ADH1A: variants seen among roughly 807,000 people sequenced by gnomAD.
The protein encoded by ADH1A is alcohol dehydrogenase 1A (class I), alpha polypeptide.
ADH1A carries 29 observed loss-of-function variants against 35.2 expected under a neutral mutation model. That is an observed-to-expected ratio of 0.82 (90% CI 0.61 to 1.12). The LOEUF (loss-of-function observed/expected upper bound fraction) is 1.12. Among genes scored for constraint, ADH1A ranks in the 50% most tolerant of loss-of-function variants. ADH1A has a pLI of 0.00. For synonymous variants in ADH1A, 147 were observed against 164.8 expected (o/e 0.89, Z 0.83); for missense variants, 469 against 464.7 (o/e 1.01, Z -0.09).
At chr4:99,277,420 G>A (rs1040271915) in intron 8 of ADH1A, among the ~76,000 whole-genome samples, 3 of 151,874 alleles carry the variant, frequency 2.0e-5, no homozygotes, top group Non-Finnish European at 4.4e-5. Context: ...AATATTTTTA[G>A]AAAATGATGG....
chr4:99,280,016 G>A, intron 7 of ADH1A, 128 bp downstream of exon 7: 1 of 1,356,066 alleles, frequency 7.4e-7, no homozygotes, highest in South Asian at 1.2e-5. Flanking sequence ...AGTTGATTTG[G>A]AGACTGTAGA....
In ADH1A at chr4:99,290,898, T is replaced by C. The variant is rs1450537072; in HGVS notation, c.17A>G (p.Lys6Arg). 2.5e-6 allele frequency: 4 copies of C among 1,613,960 alleles called. No individual in the cohort carries two copies. Among genetic ancestry groups the C allele is most frequent in the East Asian group, 2.2e-5 (1 of 44,866 alleles). The change falls in exon 1 of 9, where the codon AAA becomes AGA. Residue 6 changes from lysine (K) to arginine (R), a missense_variant and splice_region_variant. Transcript: ENST00000209668. The part of the protein sequence containing the change: MSTAG[K>R]VIKCKAAVLW... ...AACAGTAATATATTTTTTGCTTACTTTTCCTGCTGTGCTCATGTTGATTCT... is the reference window on the plus strand; with the variant it reads ...AACAGTAATATATTTTTTGCTTACTCTTCCTGCTGTGCTCATGTTGATTCT...
intron 5 of ADH1A, among the ~76,000 whole-genome samples, chr4:99,283,473 T>TATTC (rs146495893): frequency 4.7e-4 from 72 of 151,698 alleles, no homozygotes; most frequent in South Asian, 8.3e-4. Flanking sequence ...TAAGGGTGTC[T>TATTC]ATTCATTCAT....
chr4:99,286,832 T>A lies in ADH1A; in HGVS notation c.259+18A>T. 6.2e-7 allele frequency: 1 copy of A among 1,612,396 alleles called. No homozygotes were observed. The highest frequency in any genetic ancestry group is 8.5e-7 in the Non-Finnish European group (1 of 1,179,238). On this transcript the variant is annotated intron_variant, in intron 3 of 8. Transcript: ENST00000209668. ...TAGGATGGTGAACCATCATGTTTCC[T>A]GAATGTGAATCCTGTACCTGGTTTG...
chr4:99,280,997 T>A (rs1732989326), intron 6 of ADH1A, among the ~76,000 whole-genome samples: 1 of 152,188 alleles, frequency 6.6e-6, no homozygotes, highest in Non-Finnish European at 1.5e-5. Flanking sequence ...GATTCTGACC[T>A]TTGGGAGACC....
At chr4:99,282,985 T>G (rs1328217873) in intron 5 of ADH1A, among the ~76,000 whole-genome samples, 1 of 152,186 alleles carries the variant, frequency 6.6e-6, no homozygotes, top group South Asian at 2.1e-4. Context: ...TCTCGATTGC[T>G]GAAATCCCTT....
intron 7 of ADH1A, among the ~76,000 whole-genome samples, 165 bp downstream of exon 7, chr4:99,279,979 C>A (rs537141225): frequency 6.6e-6 from 1 of 152,232 alleles, no homozygotes; most frequent in South Asian, 2.1e-4. Context: ...GATTTTGGGA[C>A]CTTCTGCCTG....
At chr4:99,285,091 C>T (rs372261265) in intron 3 of ADH1A, among the ~76,000 whole-genome samples, 1 of 152,086 alleles carries the variant, frequency 6.6e-6, no homozygotes, top group African/African-American at 2.4e-5. Flanking sequence ...ATGTGGTGTA[C>T]CAATTTCTCC....
intron 1 of ADH1A, among the ~76,000 whole-genome samples, chr4:99,289,015 A>G (rs1315680703): frequency 3.9e-5 from 6 of 152,030 alleles, no homozygotes; most frequent in Non-Finnish European, 7.4e-5. Context: ...TATCATTCTC[A>G]TGCCTTTGCA....
chr4:99,279,309 G>A (rs1732940120), intron 8 of ADH1A, 117 bp downstream of exon 8: 1 of 1,314,328 alleles, frequency 7.6e-7, no homozygotes. Flanking sequence ...GACTGAACTG[G>A]TAATGGAAGA....
chr4:99,286,900 G>T lies in ADH1A; in HGVS notation c.209C>A (p.Ala70Glu), dbSNP rs1181708863. The change falls in exon 3 of 9, where the codon GCA becomes GAA. Residue 70 changes from alanine to glutamate, a missense_variant. Ala to Glu is a moderately radical substitution (Grantham distance 107). Coordinates refer to ENST00000209668, the MANE Select transcript of ADH1A (RefSeq NM_000667.4). ...TPLPVILGHEAAGIVESVGEG... is the reference protein window; with the variant it reads ...TPLPVILGHEEAGIVESVGEG... ...TCCAACACTCTCCACGATGCCGGCT[G>T]CCTCATGGCCTAAAATCACAGGAAG... 6.2e-7 allele frequency: 1 copy of T among 1,614,132 alleles called. No individual in the cohort carries two copies.
intron 5 of ADH1A, among the ~76,000 whole-genome samples, chr4:99,284,066 T>C (rs1733073586): frequency 6.6e-6 from 1 of 152,200 alleles, no homozygotes; most frequent in Non-Finnish European, 1.5e-5. Context: ...GAACCTATGG[T>C]GCCTGAAGCA....
intron 7 of ADH1A, 70 bp downstream of exon 7, chr4:99,280,074 C>T: frequency 6.3e-7 from 1 of 1,593,804 alleles, no homozygotes. Context: ...CAAAACCTTG[C>T]CTTGTCACTT....
intron 3 of ADH1A, among the ~76,000 whole-genome samples, chr4:99,286,395 T>C (rs1354027065): frequency 6.6e-6 from 1 of 152,172 alleles, no homozygotes; most frequent in Non-Finnish European, 1.5e-5. Context: ...GAAAAGGTCA[T>C]GCTCATTCAG....
Position 99,285,863 on chromosome 4 carries a change from A to G in ADH1A, c.259+987T>C, listed in dbSNP as rs992145327. Among the ~76,000 whole-genome samples, 7 of 151,846 alleles carry G rather than the reference A, an allele frequency of 4.6e-5. No individual in the cohort carries two copies. The East Asian group carries it at 1.2e-3, about 25-fold the overall frequency. ...TGGTGAAACCCTGTCTCTACTAAAA[A>G]CAGAAAAAATTAGCTGGGTGTGGTG... On this transcript the variant is annotated intron_variant, in intron 3 of 8. Transcript: ENST00000209668.
intron 2 of ADH1A, 75 bp from the exon 3 acceptor site, chr4:99,287,063 T>C (rs1733170737): frequency 6.5e-7 from 1 of 1,540,728 alleles, no homozygotes; most frequent in Non-Finnish European, 8.8e-7. Context: ...TTCCCTGAAA[T>C]TGCGCTTCCA....
intron 8 of ADH1A, 43 bp downstream of exon 8, chr4:99,279,383 G>T: frequency 6.4e-7 from 1 of 1,566,008 alleles, no homozygotes; most frequent in Middle Eastern, 1.7e-4. Flanking sequence ...AATCCCCTAT[G>T]GTAGAAAAAA....
rs1733029986 is a variant in ADH1A, at chr4:99,282,420, G to A, written c.754C>T (p.Gln252Ter). 6.2e-7 allele frequency: 1 copy of A among 1,614,092 alleles called. No homozygotes were observed. Among genetic ancestry groups the A allele is most frequent in the East Asian group, 2.2e-5 (1 of 44,878 alleles). The change falls in exon 6 of 9, where the codon CAG becomes TAG. Residue 252 changes from glutamine to a stop codon, truncating the protein, a stop_gained. Coordinates refer to ENST00000209668, the MANE Select transcript of ADH1A (RefSeq NM_000667.4). LOFTEE classifies it high-confidence loss of function. ...INPQDYKKPI[Q>*]EVLKEMTDGG... ...TCAGTCATTTCCTTTAGCACCTCCT[G>A]GATGGGTTTCTTGTAGTCTTGAGGG... is the stretch of plus-strand genomic sequence containing the variant.
At position 99,280,303 on chromosome 4, in the gene ADH1A, A is replaced by G. The variant is rs1324766121; in HGVS notation, c.829-24T>C. ...ATCTGGAATAAAGTGAACACTTAGC[A>G]TTCTTAACATGGAGTCGCATAGTTC... is the stretch of plus-strand genomic sequence containing the variant. On this transcript the variant is annotated intron_variant, in intron 6 of 8. Coordinates refer to ENST00000209668, the MANE Select transcript of ADH1A (RefSeq NM_000667.4). 1.5e-5 allele frequency: 24 copies of G among 1,612,196 alleles called. No homozygotes were observed. The East Asian group carries it at 4.9e-4, about 33-fold the overall frequency.
Sources: allele counts gnomAD v4.1 joint callset (sites outside exome capture counted in the v4.1 genomes callset), GRCh38; gene constraint gnomAD v4.1.1; transcripts MANE v1.5; gene names NCBI Gene and HGNC (gene_info 2026-07-23, HGNC 2026-07-21).